EPHA4: variants seen among roughly 807,000 people sequenced by gnomAD.
EPHA4 encodes the protein ephrin type-A receptor 4.
Under a neutral mutation model 108.3 loss-of-function variants are expected in EPHA4, and 19 were observed. The ratio of observed to expected loss-of-function variants is 0.18; its 90% confidence interval spans 0.12 to 0.26. The LOEUF (loss-of-function observed/expected upper bound fraction) is 0.26. EPHA4 is among the 10% of genes least tolerant of loss of function. The probability of loss-of-function intolerance (pLI) is 1.00; values close to 1 mark genes in which losing one functional copy is unlikely to be tolerated. For missense variants in EPHA4, 917 were observed against 1,254.0 expected (o/e 0.73, Z 4.06); for synonymous variants, 449 against 455.5 (o/e 0.99, Z 0.18).
chr2:221,425,914 TC>T lies in EPHA4; in HGVS notation c.*113del. 8.0e-6 allele frequency: 7 copies of T among 876,556 alleles called. No individual in the cohort carries two copies. The highest frequency in any genetic ancestry group is 2.4e-5 in the East Asian group (1 of 41,168). 54.3% of individuals were successfully genotyped at this position (876,556 alleles called of 1,614,324 possible). ...ACGCTGCAGATATTGTTTTTTTTTT[TC>T]ATTTCTTTAATTTCAGAGGGCGAAG... On this transcript the variant is annotated 3_prime_UTR_variant, in exon 17 of 18. Transcript: ENST00000281821.
intron 3 of EPHA4, among the ~76,000 whole-genome samples, chr2:221,557,065 A>G (rs1389129906): frequency 6.6e-6 from 1 of 152,186 alleles, no homozygotes; most frequent in Non-Finnish European, 1.5e-5. Flanking sequence ...TTCACTCATG[A>G]GAGAATTAGA....
chr2:221,423,452 T>C (rs1689811918), intron 17 of EPHA4, among the ~76,000 whole-genome samples: 1 of 152,240 alleles, frequency 6.6e-6, no homozygotes, highest in African/African-American at 2.4e-5. Context: ...CTGGATATTA[T>C]TTTAGGCACT....
At position 221,446,148 on chromosome 2, in the gene EPHA4, C is replaced by T. The variant is rs903226547; in HGVS notation, c.1749G>A (p.Ala583=). 6 of 1,550,084 alleles carry T rather than the reference C, an allele frequency of 3.9e-6. No individual in the cohort carries two copies. The highest frequency in any genetic ancestry group is 2.5e-5 in the South Asian group (2 of 78,714). ...CTTGATTCAAATGTTTCTCTTCATC[C>T]GCTTCTTGTTTGGCTTTACTGTATT... The part of the protein sequence containing the change: ...RSKYSKAKQE[A]DEEKHLNQGV... The change falls in exon 9 of 18, where the codon GCG becomes GCA. Residue 583 remains alanine (A), a synonymous_variant. Transcript: ENST00000281821.
At chr2:221,446,692 A>G (rs1690604340) in intron 8 of EPHA4, among the ~76,000 whole-genome samples, 2 of 152,218 alleles carry the variant, frequency 1.3e-5, no homozygotes, top group African/African-American at 4.8e-5. Flanking sequence ...ACAAAACTTC[A>G]TTATCATATT....
intron 4 of EPHA4, among the ~76,000 whole-genome samples, chr2:221,484,709 C>T (rs531889599): frequency 6.6e-6 from 1 of 152,270 alleles, no homozygotes; most frequent in East Asian, 1.9e-4. Context: ...GACAAATACC[C>T]TTATTTTAAA....
chr2:221,512,307 T>C (rs1559273483), intron 3 of EPHA4, among the ~76,000 whole-genome samples: 1 of 152,218 alleles, frequency 6.6e-6, no homozygotes, highest in African/African-American at 2.4e-5. Flanking sequence ...TAAGTAATCA[T>C]ATTTTGTAAG....
chr2:221,535,920 G>A (rs1281117338), intron 3 of EPHA4, among the ~76,000 whole-genome samples: 1 of 152,074 alleles, frequency 6.6e-6, no homozygotes, highest in African/African-American at 2.4e-5. Flanking sequence ...CTCTTCCTCT[G>A]CTCTTCAAAA....
chr2:221,508,916 G>A (rs1256260358), intron 3 of EPHA4, among the ~76,000 whole-genome samples: 4 of 152,078 alleles, frequency 2.6e-5, no homozygotes, highest in Admixed American at 1.3e-4. Context: ...TGTTTCACAA[G>A]TATTAAATAA....
chr2:221,546,157 C>CA (rs1693991859), intron 3 of EPHA4, among the ~76,000 whole-genome samples: 1 of 152,118 alleles, frequency 6.6e-6, no homozygotes, highest in Non-Finnish European at 1.5e-5. Context: ...ACGATATATC[C>CA]AGGCATTCAA....
intron 5 of EPHA4, among the ~76,000 whole-genome samples, chr2:221,478,591 C>A (rs1691728522): frequency 1.3e-5 from 2 of 152,262 alleles, no homozygotes; most frequent in African/African-American, 4.8e-5. Flanking sequence ...AAAAGTAACA[C>A]CCCCACCCTT....
chr2:221,566,785 A>C (rs1438841048), intron 2 of EPHA4, among the ~76,000 whole-genome samples: 1 of 149,270 alleles, frequency 6.7e-6, no homozygotes, highest in African/African-American at 2.5e-5. Flanking sequence ...GAAGAAGAAG[A>C]AGGAGAAGAA....
intron 5 of EPHA4, among the ~76,000 whole-genome samples, chr2:221,463,116 T>C (rs1032122327): frequency 6.6e-6 from 1 of 152,160 alleles, no homozygotes; most frequent in African/African-American, 2.4e-5. Context: ...ATGGGGGTAA[T>C]AGGGTGGAGA....
In EPHA4 at chr2:221,535,616, GTTA is replaced by G. The variant is rs573982514; in HGVS notation, c.823+28112_823+28114del. On this transcript the variant is annotated intron_variant, in intron 3 of 17. Coordinates refer to ENST00000281821, the MANE Select transcript of EPHA4 (RefSeq NM_004438.5). The stretch of plus-strand genomic sequence containing the variant: ...TTTTTCCTCTTCAAACAACGGATTT[GTTA>G]TTTTCTCCTTTTGTTCAAATAAAGA... 2.1e-3 allele frequency among the ~76,000 whole-genome samples: 316 copies of G among 150,084 alleles called. 2 individuals are homozygous for G. The highest frequency in any genetic ancestry group is 7.0e-3 in the African/African-American group (289 of 41,378).
chr2:221,418,794 C>T lies in EPHA4; in HGVS notation c.*2578G>A, dbSNP rs957465. 0.46 allele frequency: 69,771 copies of T among 152,010 alleles called. 16,613 individuals carry two copies. The highest frequency in any genetic ancestry group is 0.59 in the African/African-American group (24,224 of 41,328). 9.4% of individuals were successfully genotyped at this position (152,010 alleles called of 1,614,324 possible). A position where few individuals can be genotyped will look rare whatever the true frequency, so the allele number is the denominator to read the frequency against. ...GCTTGCCCACGGGCTCAGACCCAGA[C>T]CCTGAAGTTGGCCTCCTACCCTTAC... On this transcript the variant is annotated 3_prime_UTR_variant, in exon 18 of 18. Transcript: ENST00000281821.
chr2:221,473,796 T>C (rs1486749531), intron 5 of EPHA4, among the ~76,000 whole-genome samples: 8 of 152,120 alleles, frequency 5.3e-5, no homozygotes, highest in Non-Finnish European at 1.5e-5. Context: ...AGCCAGGCAC[T>C]TATTTTTTAA....
At chr2:221,474,721 G>T (rs527443685) in intron 5 of EPHA4, among the ~76,000 whole-genome samples, 3 of 152,254 alleles carry the variant, frequency 2.0e-5, no homozygotes, top group African/African-American at 7.2e-5. Flanking sequence ...TCTCTAGAAG[G>T]AGTTCTTCAT....
intron 3 of EPHA4, among the ~76,000 whole-genome samples, chr2:221,512,433 G>A (rs1391005376): frequency 6.6e-6 from 1 of 152,154 alleles, no homozygotes; most frequent in Non-Finnish European, 1.5e-5. Flanking sequence ...CTAGCACATC[G>A]CAGCCATGAA....
intron 3 of EPHA4, among the ~76,000 whole-genome samples, chr2:221,504,545 A>G (rs1047928146): frequency 3.0e-4 from 4 of 13,504 alleles, no homozygotes; most frequent in Non-Finnish European, 4.1e-4. Context: ...AATTTTATAT[A>G]TATATATATA....
chr2:221,418,351 A>G lies in EPHA4; in HGVS notation c.*3021T>C, dbSNP rs1413402703. On this transcript the variant is annotated 3_prime_UTR_variant, in exon 18 of 18. Coordinates refer to ENST00000281821, the MANE Select transcript of EPHA4 (RefSeq NM_004438.5). ...AACCACAGTCCTTGCATATTCCAAC[A>G]TACTTAGAGTGATACAAAAAATAAA... 6.6e-6 allele frequency: 1 copy of G among 152,642 alleles called. No homozygotes were observed. The highest frequency in any genetic ancestry group is 6.5e-5 in the Admixed American group (1 of 15,284). 9.5% of individuals were successfully genotyped at this position (152,642 alleles called of 1,614,324 possible). A position where few individuals can be genotyped will look rare whatever the true frequency, so the allele number is the denominator to read the frequency against.
Sources: gnomAD v4.1 joint callset for allele counts (sites outside exome capture counted in the v4.1 genomes callset) on GRCh38, gnomAD v4.1.1 for gene constraint, MANE v1.5 for transcripts, NCBI Gene and HGNC (gene_info 2026-07-23, HGNC 2026-07-21) for gene names.